Variants in ERBB2 observed in about 807,000 individuals in gnomAD.
The protein encoded by ERBB2 is receptor tyrosine-protein kinase erbB-2.
A neutral mutation model predicts 149.0 loss-of-function variants in ERBB2; 61 were observed. That is an observed-to-expected ratio of 0.41 (90% CI 0.33 to 0.51). ERBB2 has a LOEUF of 0.51. Among genes scored for constraint, ERBB2 ranks in the 20% least tolerant of loss-of-function variants. ERBB2 has a pLI of 0.25. For missense variants in ERBB2, 1,205 were observed against 1,655.1 expected, an observed-to-expected ratio of 0.73 and a Z score of 4.72; for synonymous variants, 633 against 678.8, an observed-to-expected ratio of 0.93 and a Z score of 1.05.
upstream of ERBB2, among the ~76,000 whole-genome samples, chr17:39,697,207 G>T (rs546192021): frequency 6.6e-6 from 1 of 152,144 alleles, no homozygotes; most frequent in Non-Finnish European, 1.5e-5. Flanking sequence ...CAGAAGGGCT[G>T]CTGTGTTCCA....
intron 16 of ERBB2, among the ~76,000 whole-genome samples, chr17:39,720,577 G>A (rs747088549): frequency 7.2e-5 from 11 of 152,182 alleles, no homozygotes; most frequent in Non-Finnish European, 1.2e-4. Context: ...GCTAAGCAAG[G>A]GGGTATGGAG....
At chr17:39,694,262 T>TATACACAC (rs1567888139), upstream of ERBB2, among the ~76,000 whole-genome samples, 468 of 28,790 alleles carry the variant, frequency 0.016, 45 homozygotes, top group Non-Finnish European at 0.031. Flanking sequence ...TATATATATA[T>TATACACAC]ATATATGTGT....
chr17:39,711,199 C>CT (rs981029281), intron 7 of ERBB2, among the ~76,000 whole-genome samples: 125 of 144,962 alleles, frequency 8.6e-4, no homozygotes, highest in East Asian at 1.8e-3. Context: ...TGCACCCGGA[C>CT]TTTTTTTTTT....
chr17:39,714,137 A>G (rs1199870812), intron 9 of ERBB2, among the ~76,000 whole-genome samples: 1 of 151,818 alleles, frequency 6.6e-6, no homozygotes, highest in Non-Finnish European at 1.5e-5. Flanking sequence ...CATGGTTAAC[A>G]GTGTGTGTGT....
At chr17:39,706,548 G>C (rs925369057) in intron 1 of ERBB2, among the ~76,000 whole-genome samples, 29 of 152,302 alleles carry the variant, frequency 1.9e-4, no homozygotes, top group African/African-American at 7.0e-4. Context: ...GAATGGCATA[G>C]GGAGAATGCA....
rs2059655311 is a variant in ERBB2, at chr17:39,724,750, G to A, written c.2332G>A (p.Gly778Ser). ...LDEAYVMAGV[G>S]SPYVSRLLGI... ...GGAAGCATACGTGATGGCTGGTGTGGGCTCCCCATATGTCTCCCGCCTTCT... is the reference window on the plus strand; with the variant it reads ...GGAAGCATACGTGATGGCTGGTGTGAGCTCCCCATATGTCTCCCGCCTTCT... Residue 778 changes from glycine (G) to serine (S), a missense_variant, in exon 20 of 27, where the codon GGC becomes AGC. This residue lies in a region of ERBB2 where 152 missense variants were observed against 318.1 expected (regional missense o/e 0.48). Coordinates refer to ENST00000269571, the MANE Select transcript of ERBB2 (RefSeq NM_004448.4). 6.2e-7 allele frequency: 1 copy of A among 1,614,042 alleles called. No individual in the cohort carries two copies. The highest frequency in any genetic ancestry group is 8.5e-7 in the Non-Finnish European group (1 of 1,180,036).
rs2143234688 is a variant in ERBB2 at position 39,727,326 on chromosome 17, A to G, written c.3191A>G (p.Glu1064Gly). 1 of 1,612,550 alleles carries G rather than the reference A, an allele frequency of 6.2e-7. No homozygotes were observed. The highest frequency in any genetic ancestry group is 8.5e-7 in the Non-Finnish European group (1 of 1,179,614). Residue 1064 changes from glutamate to glycine, a missense_variant, in exon 26 of 27, where the codon GAG (glutamate) becomes GGG (glycine). By Grantham distance (98) the Glu-to-Gly change is moderately conservative (BLOSUM62 -2). Around this residue, in one of 6 missense-constraint regions of ERBB2, gnomAD observed 312 missense variants for 343.8 expected, o/e 0.91. Coordinates refer to ENST00000269571, the MANE Select transcript of ERBB2 (RefSeq NM_004448.4). This position sits in a 1 kb window ranked among gnomAD's most constrained non-coding sequence, Gnocchi z 4.3. ...GGTGGGGACCTGACACTAGGGCTGG[A>G]GCCCTCTGAAGAGGAGGCCCCCAGG... is the stretch of plus-strand genomic sequence containing the variant. ...SGGGDLTLGL[E>G]PSEEEAPRSP...
chr17:39,694,278 T>C (rs1941947506), upstream of ERBB2, among the ~76,000 whole-genome samples: 2 of 56,500 alleles, frequency 3.5e-5, no homozygotes, highest in Non-Finnish European at 8.0e-5. Flanking sequence ...TGTGTGTATA[T>C]ATATATATAT....
rs753844448 is a variant in ERBB2 at position 39,725,746 on chromosome 17, C to G, written c.2765C>G (p.Pro922Arg). 1 of 1,613,762 alleles carries G rather than the reference C, an allele frequency of 6.2e-7. No individual in the cohort carries two copies. The highest frequency in any genetic ancestry group is 8.5e-7 in the Non-Finnish European group (1 of 1,179,890). ...GAGCTGATGACTTTTGGGGCCAAAC[C>G]TTACGATGGGATCCCAGCCCGGGAG... ...VWELMTFGAK[P>R]YDGIPAREIP... The change falls in exon 23 of 27, where the codon CCT becomes CGT. Residue 922 changes from proline to arginine, a missense_variant. Pro to Arg is a moderately radical substitution (Grantham distance 103). Around this residue, in one of 6 missense-constraint regions of ERBB2, gnomAD observed 152 missense variants for 318.1 expected, o/e 0.48. Transcript: ENST00000269571. The surrounding 1 kb of genome is among the most constrained non-coding windows in gnomAD (Gnocchi z 4.6).
chr17:39,716,316 C>T lies in ERBB2; in HGVS notation c.1529C>T (p.Ala510Val), dbSNP rs2145674414. 1 of 1,596,988 alleles carries T rather than the reference C, an allele frequency of 6.3e-7. No individual in the cohort carries two copies. The highest frequency in any genetic ancestry group is 2.3e-5 in the East Asian group (1 of 44,218). Reference sequence around the variant, plus strand: ...CTCACTGCAGTGGGCGAGGGCCTGGCCTGCCACCAGCTGTGCGCCCGAGGG... The same window carrying T: ...CTCACTGCAGTGGGCGAGGGCCTGGTCTGCCACCAGCTGTGCGCCCGAGGG... ...PEDECVGEGL[A>V]CHQLCARGHC... Residue 510 changes from alanine to valine, a missense_variant, in exon 13 of 27, where the codon GCC (alanine) becomes GTC (valine). Ala to Val is a moderately conservative substitution (Grantham distance 64). Coordinates refer to ENST00000269571, the MANE Select transcript of ERBB2 (RefSeq NM_004448.4).
chr17:39,722,118 A>G (rs995416884), intron 16 of ERBB2, among the ~76,000 whole-genome samples: 2 of 151,992 alleles, frequency 1.3e-5, no homozygotes, highest in Non-Finnish European at 2.9e-5. Flanking sequence ...GGGTTTCTCC[A>G]TGTTAGTCAG....
intron 4 of ERBB2, 47 bp downstream of exon 4, chr17:39,709,499 C>T: frequency 6.2e-7 from 1 of 1,608,552 alleles, no homozygotes; most frequent in Non-Finnish European, 8.5e-7. Context: ...ACAGCCTGAC[C>T]CCAGCCGCAA....
intron 16 of ERBB2, among the ~76,000 whole-genome samples, chr17:39,721,949 G>A (rs2059477059): frequency 6.6e-6 from 1 of 150,636 alleles, no homozygotes; most frequent in Admixed American, 6.6e-5. Flanking sequence ...ATGTCATTTT[G>A]CTGTTGTTAC....
rs182572604 is a variant in ERBB2 at position 39,715,922 on chromosome 17, G to A, written c.1496G>A (p.Arg499Gln). 1.2e-5 allele frequency: 19 copies of A among 1,610,382 alleles called. No individual in the cohort carries two copies. The highest frequency in any genetic ancestry group is 1.4e-5 in the Non-Finnish European group (17 of 1,179,976). ...PHQALLHTAN[R>Q]PEDECVGEGL... ...CAAGCTCTGCTCCACACTGCCAACCGGCCAGAGGACGAGTGTGGTAAGACA... is the reference window on the plus strand; with the variant it reads ...CAAGCTCTGCTCCACACTGCCAACCAGCCAGAGGACGAGTGTGGTAAGACA... The change falls in exon 12 of 27, where the codon CGG (arginine) becomes CAG (glutamine). Residue 499 changes from arginine to glutamine, a missense_variant. By Grantham distance (43) the Arg-to-Gln change is conservative. Transcript: ENST00000269571.
chr17:39,689,630 G>A (rs974095558), intron 2 of ERBB2, among the ~76,000 whole-genome samples: 1 of 152,156 alleles, frequency 6.6e-6, no homozygotes, highest in African/African-American at 2.4e-5. Flanking sequence ...GTAAGGCTGG[G>A]GGTGGTGGCT....
chr17:39,711,900 T>C (rs1021184646), intron 7 of ERBB2, 28 bp from the exon 8 acceptor site: 79 of 1,613,688 alleles, frequency 4.9e-5, no homozygotes, highest in Non-Finnish European at 6.5e-5. Context: ...GGCCAGGGTA[T>C]GTGGCTACAT....
At chr17:39,698,253 A>T (rs900922426), upstream of ERBB2, among the ~76,000 whole-genome samples, 2 of 151,066 alleles carry the variant, frequency 1.3e-5, no homozygotes, top group African/African-American at 2.4e-5. Flanking sequence ...TATGGAATAG[A>T]GTCAAGATTT....
rs560999122 is a variant in ERBB2, at chr17:39,701,984, A to G, written c.73+1673A>G. On this transcript the variant is annotated intron_variant, in intron 1 of 26. Coordinates refer to ENST00000269571, the MANE Select transcript of ERBB2 (RefSeq NM_004448.4). Reference sequence around the variant, plus strand: ...CCTTGGGCTGGGAGTTGATCAGGGAATGGCAGTTGCTGCAGAGCTGGATTT... The same window carrying G: ...CCTTGGGCTGGGAGTTGATCAGGGAGTGGCAGTTGCTGCAGAGCTGGATTT... Among the ~76,000 whole-genome samples the G allele has an allele frequency of 3.3e-5, 5 of 152,252 alleles. No homozygotes were observed. In the East Asian group the frequency reaches 9.7e-4, roughly 29 times the overall value.
At chr17:39,717,794 C>CACACAT (rs1555616560) in intron 15 of ERBB2, 35 of 160,976 alleles carry the variant, frequency 2.2e-4, no homozygotes, top group African/African-American at 8.1e-4. Context: ...CATTTTAACA[C>CACACAT]ACACACACAC....
Sources: allele counts gnomAD v4.1 joint callset (sites outside exome capture counted in the v4.1 genomes callset), GRCh38; gene constraint gnomAD v4.1.1; regional missense constraint gnomAD v4.1.1; non-coding constraint Gnocchi (gnomAD v3.1); transcripts MANE v1.5; gene names NCBI Gene and HGNC (gene_info 2026-07-23, HGNC 2026-07-21).